Variants in RAI2 observed in about 807,000 individuals in gnomAD.
RAI2 encodes retinoic acid-induced protein 2.
In RAI2, 5 loss-of-function variants were observed where a neutral mutation model predicts 15.3. That is an observed-to-expected ratio of 0.33 (90% CI 0.17 to 0.69). The LOEUF (loss-of-function observed/expected upper bound fraction) is 0.69. Ranked by LOEUF, RAI2 falls within the 30% of genes least tolerant of loss-of-function variation. RAI2 has a pLI of 0.69. For missense variants in RAI2, 424 were observed against 424.7 expected (o/e 1.00, Z 0.01); for synonymous variants, 191 against 184.0 (o/e 1.04, Z -0.31).
chrX:17,843,223 A>G (rs1014631899), intron 1 of RAI2, among the ~76,000 whole-genome samples: 66 of 111,447 alleles, frequency 5.9e-4, no homozygotes, highest in Non-Finnish European at 1.1e-3. Flanking sequence ...CATGCACTCC[A>G]ACGAGTGGCA....
At chrX:17,814,965 C>T (rs1482268959) in intron 1 of RAI2, among the ~76,000 whole-genome samples, 3 of 107,462 alleles carry the variant, frequency 2.8e-5, no homozygotes. Flanking sequence ...ATAATAATAA[C>T]CTCGACCCGA....
intron 1 of RAI2, among the ~76,000 whole-genome samples, chrX:17,859,703 A>G (rs920717727): frequency 2.7e-5 from 3 of 112,591 alleles, no homozygotes; most frequent in African/African-American, 9.7e-5. Context: ...CCGCCCCTCA[A>G]ACCCCATCGC....
intron 1 of RAI2, among the ~76,000 whole-genome samples, chrX:17,831,367 T>TA (rs931315736): frequency 6.3e-5 from 7 of 111,613 alleles, no homozygotes; most frequent in Non-Finnish European, 7.5e-5. Context: ...AGCTTTTTTT[T>TA]AAAAAAACAA....
chrX:17,814,600 A>T (rs928582864), intron 1 of RAI2, among the ~76,000 whole-genome samples: 12 of 109,192 alleles, frequency 1.1e-4, no homozygotes, highest in Non-Finnish European at 2.3e-4. Flanking sequence ...ACACTCCTTT[A>T]TAATAACAAT....
rs73189168 is a variant in RAI2, at chrX:17,819,011, G to A, written c.-24-16977C>T. 3.2e-3 allele frequency among the ~76,000 whole-genome samples: 353 copies of A among 111,747 alleles called. 1 individual carries two copies. The highest frequency in any genetic ancestry group is 5.8e-3 in the Non-Finnish European group (309 of 53,069). Reference sequence around the variant, plus strand: ...CAGTGTGATTCAGAGTGTTCCCTGCGCAGGGGCCCTCCTCTTCTCCACTCT... The same window carrying A: ...CAGTGTGATTCAGAGTGTTCCCTGCACAGGGGCCCTCCTCTTCTCCACTCT... On this transcript the variant is annotated intron_variant, in intron 1 of 1. Coordinates refer to ENST00000451717, the MANE Select transcript of RAI2 (RefSeq NM_021785.6).
chrX:17,860,155 A>G (rs73447886), intron 1 of RAI2, among the ~76,000 whole-genome samples: 8,480 of 110,965 alleles, frequency 0.076, 799 homozygotes, highest in African/African-American at 0.26. Flanking sequence ...ACCTACTCCA[A>G]GGACTTCTGA....
rs1203474660 is a variant in RAI2 at position 17,801,059 on chromosome X, C to T, written c.952G>A (p.Asp318Asn). The change falls in exon 2 of 2, where the codon GAT becomes AAT. Residue 318 changes from aspartate to asparagine, a missense_variant. By Grantham distance (23) the Asp-to-Asn change is conservative (BLOSUM62 1). Coordinates refer to ENST00000451717, the MANE Select transcript of RAI2 (RefSeq NM_021785.6). ...CAGGGCACTGACTTCATGGAGAGAT[C>T]CAGGGCCTCGTTCTCACTTCCCATC... ...IKMGSENEALDLSMKSVPWLK... is the reference protein window; with the variant it reads ...IKMGSENEALNLSMKSVPWLK... The T allele has an allele frequency of 8.3e-7, 1 of 1,211,508 alleles. No homozygotes were observed. Among genetic ancestry groups the T allele is most frequent in the Non-Finnish European group, 1.1e-6 (1 of 895,435 alleles).
intron 1 of RAI2, among the ~76,000 whole-genome samples, chrX:17,812,792 C>G (rs1365861599): frequency 1.8e-5 from 2 of 111,645 alleles, no homozygotes; most frequent in Non-Finnish European, 3.8e-5. Flanking sequence ...AAGCAAAGAG[C>G]CTTTTTGAGG....
chrX:17,835,694 A>G (rs190760826), intron 1 of RAI2, among the ~76,000 whole-genome samples: 2 of 111,803 alleles, frequency 1.8e-5, no homozygotes, highest in African/African-American at 6.5e-5. Context: ...TACTGCCCTA[A>G]GCCCCACCTC....
intron 1 of RAI2, among the ~76,000 whole-genome samples, chrX:17,804,404 C>T (rs16980681): frequency 1.8e-5 from 2 of 112,054 alleles, no homozygotes; most frequent in South Asian, 3.7e-4. Flanking sequence ...AGCATGCAAA[C>T]GCATCAACGT....
At chrX:17,842,496 C>T (rs190249286) in intron 1 of RAI2, among the ~76,000 whole-genome samples, 32 of 110,783 alleles carry the variant, frequency 2.9e-4, no homozygotes, top group East Asian at 1.4e-3. Context: ...TCTTTGTCAC[C>T]CATGAGAAGT....
chrX:17,835,652 C>G (rs1601925222), intron 1 of RAI2, among the ~76,000 whole-genome samples: 1 of 111,668 alleles, frequency 9.0e-6, no homozygotes, highest in Non-Finnish European at 1.9e-5. Context: ...AACTCAAACT[C>G]AAATCATCAA....
At chrX:17,806,846 C>T (rs1354073359) in intron 1 of RAI2, among the ~76,000 whole-genome samples, 1 of 110,651 alleles carries the variant, frequency 9.0e-6, no homozygotes, top group Non-Finnish European at 1.9e-5. Context: ...CACATCTTCA[C>T]GTGGCCGGCA....
intron 1 of RAI2, among the ~76,000 whole-genome samples, chrX:17,835,094 C>T (rs2067319757): frequency 8.9e-6 from 1 of 111,797 alleles, no homozygotes; most frequent in African/African-American, 3.3e-5. Context: ...AGCACAAAAT[C>T]GTCAGTGAGT....
At chrX:17,833,133 AT>A (rs2067300137) in intron 1 of RAI2, among the ~76,000 whole-genome samples, 1 of 112,414 alleles carries the variant, frequency 8.9e-6, no homozygotes, top group Non-Finnish European at 1.9e-5. Context: ...AACAGAATGA[AT>A]TACTGATACA....
intron 1 of RAI2, among the ~76,000 whole-genome samples, chrX:17,848,374 G>A (rs2067488771): frequency 9.2e-6 from 1 of 108,817 alleles, no homozygotes; most frequent in Non-Finnish European, 1.9e-5. Context: ...CAGAAGATTT[G>A]TGCATACTCA....
At chrX:17,803,480 G>A (rs912226396) in intron 1 of RAI2, among the ~76,000 whole-genome samples, 6 of 110,265 alleles carry the variant, frequency 5.4e-5, no homozygotes, top group Middle Eastern at 4.6e-3. Flanking sequence ...GCAGTGAGCC[G>A]AGATCGCATC....
At chrX:17,827,271 A>G (rs1283098750) in intron 1 of RAI2, among the ~76,000 whole-genome samples, 1 of 111,918 alleles carries the variant, frequency 8.9e-6, no homozygotes, top group Non-Finnish European at 1.9e-5. Context: ...ACACAGAATC[A>G]TGGCTCAGAA....
At chrX:17,811,096 T>G (rs913861183) in intron 1 of RAI2, among the ~76,000 whole-genome samples, 2 of 112,623 alleles carry the variant, frequency 1.8e-5, no homozygotes, top group Non-Finnish European at 3.7e-5. Flanking sequence ...GGGGTGATAT[T>G]CATGCAAGGA....
Sources: allele counts gnomAD v4.1 joint callset (sites outside exome capture counted in the v4.1 genomes callset), GRCh38; gene constraint gnomAD v4.1.1; transcripts MANE v1.5; gene names NCBI Gene and HGNC (gene_info 2026-07-23, HGNC 2026-07-21).